LARS2: variants seen among roughly 807,000 people sequenced by gnomAD.
LARS2 encodes leucyl-tRNA synthetase 2, mitochondrial.
In LARS2, 81 loss-of-function variants were observed where a neutral mutation model predicts 116.6. That is an observed-to-expected ratio of 0.69 (90% CI 0.58 to 0.84). LARS2 has a LOEUF of 0.84. Among genes scored for constraint, LARS2 ranks in the 40% least tolerant of loss-of-function variants. LARS2 has a pLI of 0.00. For synonymous variants in LARS2, 396 were observed against 407.2 expected (o/e 0.97, Z 0.33); for missense variants, 968 against 1,114.5 (o/e 0.87, Z 1.87).
chr3:45,400,037 G>C (rs1420024892), intron 3 of LARS2, among the ~76,000 whole-genome samples: 1 of 151,904 alleles, frequency 6.6e-6, no homozygotes, highest in African/African-American at 2.4e-5. Flanking sequence ...AGGTTGTTTG[G>C]CATTATTTTG....
intron 10 of LARS2, among the ~76,000 whole-genome samples, chr3:45,484,550 G>A (rs34801008): frequency 1.5e-5 from 2 of 130,270 alleles, no homozygotes; most frequent in Non-Finnish European, 3.1e-5. Context: ...AGTATCACTT[G>A]AGACCTGGAA....
intron 6 of LARS2, among the ~76,000 whole-genome samples, chr3:45,424,379 A>G (rs759598054): frequency 6.6e-6 from 1 of 152,238 alleles, no homozygotes; most frequent in Non-Finnish European, 1.5e-5. Flanking sequence ...AATAGTGAAT[A>G]TTGAATGTTG....
chr3:45,448,121 C>T (rs944866903), intron 7 of LARS2, among the ~76,000 whole-genome samples: 13 of 151,966 alleles, frequency 8.6e-5, no homozygotes, highest in Admixed American at 3.3e-4. Flanking sequence ...TTACTCAAGA[C>T]GGTGAGGTAA....
intron 15 of LARS2, among the ~76,000 whole-genome samples, chr3:45,504,137 G>A (rs763352855): frequency 3.3e-5 from 5 of 151,678 alleles, no homozygotes; most frequent in Non-Finnish European, 5.9e-5. Context: ...TTATGTAAGC[G>A]GTCACCTATT....
intron 15 of LARS2, among the ~76,000 whole-genome samples, chr3:45,511,864 G>C (rs545677556): frequency 7.7e-6 from 1 of 129,046 alleles, no homozygotes; most frequent in African/African-American, 3.0e-5. Flanking sequence ...TGCAACCTCC[G>C]CTTCCTGGGC....
At chr3:45,530,271 C>T (rs371055326) in intron 20 of LARS2, among the ~76,000 whole-genome samples, 16 of 152,172 alleles carry the variant, frequency 1.1e-4, no homozygotes, top group African/African-American at 2.6e-4. Context: ...GCCTGTAATC[C>T]CAGCACTATG....
Position 45,541,699 on chromosome 3 carries a change from T to C in LARS2, c.2405-130T>C, listed in dbSNP as rs1354890019. 7.8e-6 allele frequency: 9 copies of C among 1,156,018 alleles called. 1 individual carries two copies. The highest frequency in any genetic ancestry group is 1.1e-5 in the Non-Finnish European group (9 of 831,376). The allele number at this position is 1,156,018 out of a possible 1,614,324, so 71.6% of individuals were successfully genotyped here. A position where few individuals can be genotyped will look rare whatever the true frequency, so the allele number is the denominator to read the frequency against. Reference sequence around the variant, plus strand: ...CAAAGTGGTGAGCACCCAGCAGCCATGGTCTGGCTTCCCACCGGCTCCTCA... The same window carrying C: ...CAAAGTGGTGAGCACCCAGCAGCCACGGTCTGGCTTCCCACCGGCTCCTCA... On this transcript the variant is annotated intron_variant, in intron 20 of 21. Transcript: ENST00000645846.
chr3:45,478,837 C>T (rs1699655419), intron 10 of LARS2, among the ~76,000 whole-genome samples: 1 of 152,082 alleles, frequency 6.6e-6, no homozygotes, highest in African/African-American at 2.4e-5. Flanking sequence ...CACAGAAGGC[C>T]AGTACAGTGC....
chr3:45,455,190 G>A (rs1437745428), intron 7 of LARS2, among the ~76,000 whole-genome samples: 1 of 150,572 alleles, frequency 6.6e-6, no homozygotes, highest in East Asian at 1.9e-4. Context: ...CCTCTTAGGA[G>A]CACACCTTCC....
chr3:45,497,174 G>C (rs1700027435), intron 14 of LARS2, among the ~76,000 whole-genome samples: 1 of 151,676 alleles, frequency 6.6e-6, no homozygotes, highest in African/African-American at 2.4e-5. Context: ...AGAATTAAAA[G>C]TGGCTAAGAG....
chr3:45,411,734 T>C (rs1012331755), intron 4 of LARS2, among the ~76,000 whole-genome samples: 1 of 152,238 alleles, frequency 6.6e-6, no homozygotes, highest in Non-Finnish European at 1.5e-5. Flanking sequence ...CAGGAGTACA[T>C]GTGCAGGTTA....
chr3:45,508,846 TTCCTCCCTC>T (rs1451906645), intron 15 of LARS2, among the ~76,000 whole-genome samples: 1 of 151,676 alleles, frequency 6.6e-6, no homozygotes, highest in East Asian at 1.9e-4. Context: ...CTTCCCTCCC[TTCCTCCCTC>T]TCCTCCCTCC....
intron 19 of LARS2, 44 bp from the exon 20 acceptor site, chr3:45,523,953 A>G (rs377321904): frequency 4.3e-5 from 62 of 1,443,398 alleles, no homozygotes; most frequent in Middle Eastern, 3.5e-4. Context: ...ACCCGTGCTT[A>G]TTTTTACACC....
chr3:45,427,891 G>A (rs1476432250), intron 6 of LARS2, among the ~76,000 whole-genome samples: 3 of 146,828 alleles, frequency 2.0e-5, no homozygotes, highest in Non-Finnish European at 4.5e-5. Context: ...GCACGATCTT[G>A]GCTCACTGCA....
chr3:45,450,370 A>C (rs1575262909), intron 7 of LARS2, among the ~76,000 whole-genome samples: 1 of 152,184 alleles, frequency 6.6e-6, no homozygotes, highest in African/African-American at 2.4e-5. Context: ...GTACCCATGA[A>C]CCATTGTCTT....
intron 15 of LARS2, among the ~76,000 whole-genome samples, 192 bp downstream of exon 15, chr3:45,500,771 A>G (rs1350537036): frequency 1.3e-5 from 2 of 152,216 alleles, no homozygotes; most frequent in Non-Finnish European, 2.9e-5. Context: ...GTGATGTTGC[A>G]TGCTTGCATA....
At chr3:45,523,514 T>C (rs1454108896) in intron 19 of LARS2, among the ~76,000 whole-genome samples, 3 of 151,780 alleles carry the variant, frequency 2.0e-5, no homozygotes, top group Non-Finnish European at 4.4e-5. Context: ...ATGTATTTGT[T>C]GTTGCTGCTG....
chr3:45,456,476 G>A (rs1223465718), intron 7 of LARS2, among the ~76,000 whole-genome samples: 1 of 152,146 alleles, frequency 6.6e-6, no homozygotes, highest in Admixed American at 6.5e-5. Context: ...CCCGCTACTC[G>A]GGAGGCTGAG....
intron 15 of LARS2, among the ~76,000 whole-genome samples, chr3:45,504,905 C>T (rs1700176152): frequency 6.6e-6 from 1 of 151,344 alleles, no homozygotes; most frequent in African/African-American, 2.4e-5. Context: ...CATGGTGAAA[C>T]CCCATCTCTA....
Sources: gnomAD v4.1 joint callset for allele counts (sites outside exome capture counted in the v4.1 genomes callset) on GRCh38, gnomAD v4.1.1 for gene constraint, MANE v1.5 for transcripts, NCBI Gene and HGNC (gene_info 2026-07-23, HGNC 2026-07-21) for gene names.